Variants in SYNE1 observed in about 807,000 individuals in gnomAD.
SYNE1 encodes nesprin-1.
A neutral mutation model predicts 1,111.0 loss-of-function variants in SYNE1; 616 were observed. That is an observed-to-expected ratio of 0.55 (90% CI 0.52 to 0.59). The LOEUF (loss-of-function observed/expected upper bound fraction) is 0.59, where lower values mean the gene tolerates loss of function less well. Ranked by LOEUF, SYNE1 falls within the 20% of genes least tolerant of loss-of-function variation. The pLI is 0.00. For synonymous variants in SYNE1, 3,855 were observed against 3,825.8 expected (o/e 1.01, Z -0.28); for missense variants, 10,006 against 10,417.0 (o/e 0.96, Z 1.72).
At chr6:152,344,807 A>T (rs948856815) in intron 73 of SYNE1, among the ~76,000 whole-genome samples, 1 of 152,160 alleles carries the variant, frequency 6.6e-6, no homozygotes, top group African/African-American at 2.4e-5. Flanking sequence ...ACATTTTCTG[A>T]TATGTCTATT....
In SYNE1 at chr6:152,463,394, G is replaced by A. The variant is rs2098745737; in HGVS notation, c.2056C>T (p.Leu686=). The change falls in exon 19 of 146, where the codon CTA becomes TTA. Residue 686 remains leucine (L), a synonymous_variant. Transcript: ENST00000367255. Reference sequence around the variant, plus strand: ...AACAACTCCCTCCACCGCCCATTTAGCAACAGTAATTGCTGCTTCAGGTCA... The same window carrying A: ...AACAACTCCCTCCACCGCCCATTTAACAACAGTAATTGCTGCTTCAGGTCA... ...SRDLKQQLLL[L]NGRWRELFME... 2.5e-6 allele frequency: 4 copies of A among 1,613,756 alleles called. No individual in the cohort carries two copies. The highest frequency in any genetic ancestry group is 2.5e-6 in the Non-Finnish European group (3 of 1,179,798).
chr6:152,500,606 G>T (rs755193290), intron 10 of SYNE1, among the ~76,000 whole-genome samples: 8 of 152,036 alleles, frequency 5.3e-5, no homozygotes, highest in Non-Finnish European at 1.2e-4. Flanking sequence ...TAAGCTTTTG[G>T]TTATGCTCCT....
At chr6:152,140,191 TA>T (rs1280340176) in intron 139 of SYNE1, 30 bp from the exon 140 acceptor site, 2 of 1,606,756 alleles carry the variant, frequency 1.2e-6, no homozygotes, top group Non-Finnish European at 1.7e-6. Context: ...ACAGTGAGGT[TA>T]TTTTCCTCTA....
chr6:152,336,771 A>G, intron 76 of SYNE1, 70 bp downstream of exon 76: 1 of 1,575,914 alleles, frequency 6.3e-7, no homozygotes, highest in Non-Finnish European at 8.6e-7. Flanking sequence ...AAGTGAATAC[A>G]CTGAACACAT....
At chr6:152,364,745 A>C in intron 63 of SYNE1, 102 bp downstream of exon 63, 1 of 1,036,878 alleles carries the variant, frequency 9.6e-7, no homozygotes, top group Non-Finnish European at 1.4e-6. Context: ...AGGAAAGGAA[A>C]GGGAAGGGAA....
At chr6:152,435,690 T>C in intron 33 of SYNE1, 1 of 572,562 alleles carries the variant, frequency 1.7e-6, no homozygotes, top group Non-Finnish European at 3.1e-6. Context: ...ATAGAATAGA[T>C]ATGGCTTTCT....
chr6:152,419,478 A>T (rs2154186551), intron 40 of SYNE1, 91 bp downstream of exon 40: 2 of 1,309,378 alleles, frequency 1.5e-6, no homozygotes, highest in Admixed American at 2.5e-5. Flanking sequence ...CACCATTTAA[A>T]CTTTTTTAAA....
chr6:152,231,427 T>G lies in SYNE1; in HGVS notation c.21003A>C (p.Lys7001Asn), dbSNP rs1384228013. 2 of 1,614,174 alleles carry G rather than the reference T, an allele frequency of 1.2e-6. No individual in the cohort carries two copies. Among genetic ancestry groups the G allele is most frequent in the South Asian group, 1.1e-5 (1 of 91,088 alleles). The change falls in exon 114 of 146, where the codon AAA becomes AAC. Residue 7001 changes from lysine (K) to asparagine (N), a missense_variant. Physicochemically the swap from Lys to Asn is moderately conservative, Grantham distance 94. This residue lies in a region of SYNE1 where 2,182 missense variants were observed against 2,287.8 expected (regional missense o/e 0.95). Transcript: ENST00000367255. The stretch of plus-strand genomic sequence containing the variant: ...CTAGACCTTGCAGAATTTGCCAACT[T>G]TTATTCATTGCTCCAAGTTGCTCAG... ...DFAEQLGAMN[K>N]SWQILQGLVT... is the part of the protein sequence containing the mutation.
At chr6:152,164,996 A>G (rs1393832744) in intron 130 of SYNE1, among the ~76,000 whole-genome samples, 1 of 152,232 alleles carries the variant, frequency 6.6e-6, no homozygotes, top group Non-Finnish European at 1.5e-5. Flanking sequence ...TTTGTGATAC[A>G]TTTAAAGGCA....
chr6:152,399,447 G>A (rs2097780058), intron 48 of SYNE1, among the ~76,000 whole-genome samples, 169 bp downstream of exon 48: 1 of 152,228 alleles, frequency 6.6e-6, no homozygotes, highest in Non-Finnish European at 1.5e-5. Context: ...TGCATAGGGT[G>A]AGAGCCTCCA....
chr6:152,577,037 AT>A (rs568800280), intron 3 of SYNE1, among the ~76,000 whole-genome samples: 3 of 152,270 alleles, frequency 2.0e-5, no homozygotes, highest in African/African-American at 4.8e-5. Flanking sequence ...TTAAGAAGGC[AT>A]TTTTTTGTCA....
chr6:152,421,511 G>A (rs1363494459), intron 39 of SYNE1, among the ~76,000 whole-genome samples: 1 of 151,582 alleles, frequency 6.6e-6, no homozygotes, highest in Non-Finnish European at 1.5e-5. Context: ...GAAAAATTAT[G>A]TTTTAAAAAA....
At chr6:152,428,887 C>A (rs1342412255) in intron 36 of SYNE1, among the ~76,000 whole-genome samples, 15 of 151,934 alleles carry the variant, frequency 9.9e-5, no homozygotes, top group Admixed American at 9.8e-4. Context: ...AATAAGAATG[C>A]ACTGCTATTT....
chr6:152,161,152 A>T (rs1472170699), intron 131 of SYNE1, among the ~76,000 whole-genome samples: 1 of 146,700 alleles, frequency 6.8e-6, no homozygotes, highest in Non-Finnish European at 1.5e-5. Flanking sequence ...TGGAGAGGAG[A>T]AAATTAACAT....
In SYNE1 at chr6:152,460,799, CTTTTTTTTTTTTT is replaced by C. The variant is rs869295894; in HGVS notation, c.2394+785_2394+797del. On this transcript the variant is annotated intron_variant, in intron 21 of 145. Coordinates refer to ENST00000367255, the MANE Select transcript of SYNE1 (RefSeq NM_182961.4). Reference sequence around the variant, plus strand: ...CAGAAAAGGTATAAATGTATATAATCTTTTTTTTTTTTTTTTTTTTTTTTTTTTTGAGACAAAG... The same window carrying C: ...CAGAAAAGGTATAAATGTATATAATCTTTTTTTTTTTTTTTTGAGACAAAG... 8.9e-5 allele frequency among the ~76,000 whole-genome samples: 6 copies of C among 67,538 alleles called. 1 individual carries two copies. Among genetic ancestry groups the C allele is most frequent in the Middle Eastern group, 0.026 (2 of 76 alleles). 44.3% of individuals were successfully genotyped at this position (67,538 alleles called of 152,430 possible).
intron 137 of SYNE1, chr6:152,147,680 T>G (rs933825880): frequency 3.4e-6 from 1 of 297,442 alleles, no homozygotes; most frequent in African/African-American, 2.2e-5. Flanking sequence ...GGACTCCGGC[T>G]TTGTCGCCCC....
intron 59 of SYNE1, among the ~76,000 whole-genome samples, chr6:152,371,016 CTGCTAT>C (rs1318559961): frequency 1.3e-5 from 2 of 152,162 alleles, no homozygotes; most frequent in Non-Finnish European, 2.9e-5. Flanking sequence ...GTTTTATTCT[CTGCTAT>C]AGCCCCAGAG....
rs10700163 is a variant in SYNE1 at position 152,440,567 on chromosome 6, A to AT, written c.4149+562dup. ...AGTTAAAAAATATTATTGCCTCCAG[A>AT]TTTTTTTTTTTTTTTTTTTGAGATG... is the stretch of plus-strand genomic sequence containing the variant. On this transcript the variant is annotated intron_variant, in intron 32 of 145. Coordinates refer to ENST00000367255, the MANE Select transcript of SYNE1 (RefSeq NM_182961.4). Among the ~76,000 whole-genome samples the AT allele has an allele frequency of 7.7e-3, 941 of 122,678 alleles. 23 individuals are homozygous for AT. The highest frequency in any genetic ancestry group is 0.01 in the Admixed American group (114 of 11,334). 80.5% of individuals were successfully genotyped at this position (122,678 alleles called of 152,430 possible). A position where few individuals can be genotyped will look rare whatever the true frequency, so the allele number is the denominator to read the frequency against.
intron 74 of SYNE1, among the ~76,000 whole-genome samples, chr6:152,340,785 C>T (rs1160217943): frequency 2.0e-5 from 3 of 152,158 alleles, no homozygotes; most frequent in African/African-American, 7.2e-5. Flanking sequence ...TCAAAGACTC[C>T]CTCCGAACAT....
Sources: gnomAD v4.1 joint callset for allele counts (sites outside exome capture counted in the v4.1 genomes callset) on GRCh38, gnomAD v4.1.1 for gene constraint, gnomAD v4.1.1 regional missense constraint, MANE v1.5 for transcripts, NCBI Gene and HGNC (gene_info 2026-07-23, HGNC 2026-07-21) for gene names.